Variants in FNDC3A observed in about 807,000 individuals in gnomAD.
FNDC3A encodes fibronectin type-III domain-containing protein 3A.
A neutral mutation model predicts 148.9 loss-of-function variants in FNDC3A; 32 were observed. The observed-to-expected ratio is 0.21, with a 90% CI of 0.16 to 0.29. FNDC3A has a LOEUF of 0.29. Ranked by LOEUF, FNDC3A falls within the 10% of genes least tolerant of loss-of-function variation. The pLI, the probability that FNDC3A is intolerant of heterozygous loss-of-function variation, is 1.00. For missense variants in FNDC3A, 1,191 were observed against 1,452.8 expected, an observed-to-expected ratio of 0.82 and a Z score of 2.93; for synonymous variants, 472 against 473.6, an observed-to-expected ratio of 1.00 and a Z score of 0.04.
In FNDC3A at chr13:49,174,506, A is replaced by G. The variant is rs543688682; in HGVS notation, c.1302A>G (p.Ser434=). The G allele has an allele frequency of 6.2e-7, 1 of 1,612,632 alleles. No homozygotes were observed. Among genetic ancestry groups the G allele is most frequent in the African/African-American group, 1.3e-5 (1 of 74,902 alleles). ...SQKQFKITKL[S]PAMGCKFRLS... is the part of the protein sequence containing the mutation. ...AACAATTTAAAATTACTAAACTTTC[A>G]CCAGCAATGGGCTGTAAATTCAGAC... The change falls in exon 12 of 26, where the codon TCA becomes TCG. Residue 434 remains serine, a synonymous_variant. Coordinates refer to ENST00000492622, the MANE Select transcript of FNDC3A (RefSeq NM_001079673.2).
intron 3 of FNDC3A, among the ~76,000 whole-genome samples, chr13:49,077,260 G>A (rs911120961): frequency 6.6e-6 from 1 of 152,236 alleles, no homozygotes; most frequent in Non-Finnish European, 1.5e-5. Context: ...GCGATAAAGC[G>A]AGACCCTGTC....
chr13:48,983,346 G>C (rs1009974624), intron 1 of FNDC3A, among the ~76,000 whole-genome samples: 8 of 152,046 alleles, frequency 5.3e-5, no homozygotes, highest in Non-Finnish European at 1.0e-4. Context: ...GTCTAAATCA[G>C]CTATTCAACT....
rs1260357355 is a variant in FNDC3A at position 49,053,710 on chromosome 13, A to AC, written c.100-21579_100-21578insC. ...CGTTGTGGAGACCAGCGTTCTTATT[A>AC]TGTAGATGACGTCTCATATGCCTCC... is the stretch of plus-strand genomic sequence containing the variant. On this transcript the variant is annotated intron_variant, in intron 2 of 25. Coordinates refer to ENST00000492622, the MANE Select transcript of FNDC3A (RefSeq NM_001079673.2). Among the ~76,000 whole-genome samples the AC allele has an allele frequency of 3.9e-5, 6 of 152,270 alleles. No homozygotes were observed. In the East Asian group the frequency reaches 9.7e-4, roughly 24 times the overall value.
intron 1 of FNDC3A, among the ~76,000 whole-genome samples, chr13:48,978,040 G>T (rs1340111972): frequency 6.6e-6 from 1 of 151,842 alleles, no homozygotes; most frequent in African/African-American, 2.4e-5. Flanking sequence ...AGTTATAAGG[G>T]TAATTAATTT....
chr13:48,995,523 G>A (rs1029351485), intron 1 of FNDC3A, among the ~76,000 whole-genome samples: 1 of 152,052 alleles, frequency 6.6e-6, no homozygotes, highest in Non-Finnish European at 1.5e-5. Flanking sequence ...ATGATTAATA[G>A]CACTGTCTTC....
intron 2 of FNDC3A, among the ~76,000 whole-genome samples, chr13:49,050,926 G>C (rs1267314748): frequency 1.3e-5 from 2 of 152,048 alleles, no homozygotes; most frequent in African/African-American, 4.8e-5. Context: ...AACTGCTGTT[G>C]CTTTGAAGTT....
At chr13:49,115,257 A>C (rs1181801189) in intron 4 of FNDC3A, among the ~76,000 whole-genome samples, 1 of 152,064 alleles carries the variant, frequency 6.6e-6, no homozygotes, top group Admixed American at 6.5e-5. Flanking sequence ...ATGACTGGGA[A>C]GCTCTGACCT....
chr13:49,188,145 A>G (rs903948918), intron 16 of FNDC3A, among the ~76,000 whole-genome samples: 1 of 152,252 alleles, frequency 6.6e-6, no homozygotes, highest in East Asian at 1.9e-4. Context: ...AAAAGAAAAA[A>G]AAGATGTCTT....
chr13:49,156,173 C>CT (rs1246385856), intron 8 of FNDC3A, among the ~76,000 whole-genome samples: 1 of 148,972 alleles, frequency 6.7e-6, no homozygotes, highest in Non-Finnish European at 1.5e-5. Context: ...TTGTAGGTCT[C>CT]TAAGGACTTG....
intron 3 of FNDC3A, among the ~76,000 whole-genome samples, chr13:49,102,055 C>G (rs1432821883): frequency 6.6e-6 from 1 of 151,976 alleles, no homozygotes; most frequent in Admixed American, 6.6e-5. Context: ...CCAGGCTGGT[C>G]TCTAACTCTT....
rs187591060 is a variant in FNDC3A at position 49,182,655 on chromosome 13, T to C, written c.1618-3309T>C. 6.6e-5 allele frequency among the ~76,000 whole-genome samples: 10 copies of C among 152,338 alleles called. No individual in the cohort carries two copies. In the East Asian group the frequency reaches 1.9e-3, roughly 29 times the overall value. On this transcript the variant is annotated intron_variant, in intron 14 of 25. Transcript: ENST00000492622. ...TTCACTTTCAGCTTATTCCTTGTTT[T>C]TTGAGGTCTTTTTATAGGTAAAGAG...
intron 16 of FNDC3A, chr13:49,187,737 A>G: frequency 9.2e-7 from 1 of 1,083,312 alleles, no homozygotes; most frequent in Non-Finnish European, 1.4e-6. Context: ...CACCTCACCA[A>G]GACCTTTTTT....
At chr13:48,986,382 G>GTTTT (rs1425213112) in intron 1 of FNDC3A, among the ~76,000 whole-genome samples, 6 of 61,990 alleles carry the variant, frequency 9.7e-5, no homozygotes, top group South Asian at 8.3e-4. Flanking sequence ...GGAGAAGGAA[G>GTTTT]TTGTTTTTTT....
At chr13:49,072,380 G>A (rs1227092502) in intron 2 of FNDC3A, among the ~76,000 whole-genome samples, 1 of 151,744 alleles carries the variant, frequency 6.6e-6, no homozygotes, top group Non-Finnish European at 1.5e-5. Flanking sequence ...GAGTTAAAAA[G>A]TTAAAAAAAA....
At chr13:49,150,994 A>G (rs1450865280) in intron 8 of FNDC3A, among the ~76,000 whole-genome samples, 2 of 151,770 alleles carry the variant, frequency 1.3e-5, no homozygotes, top group Non-Finnish European at 2.9e-5. Flanking sequence ...GTACTGACAT[A>G]TGGTCTACCC....
At chr13:49,011,208 C>T (rs1476174000) in intron 2 of FNDC3A, among the ~76,000 whole-genome samples, 1 of 151,266 alleles carries the variant, frequency 6.6e-6, no homozygotes, top group Non-Finnish European at 1.5e-5. Context: ...TTCCCCTGTT[C>T]TGGTTGTCTT....
intron 16 of FNDC3A, among the ~76,000 whole-genome samples, chr13:49,187,920 C>T (rs1344952016): frequency 1.3e-5 from 2 of 152,086 alleles, no homozygotes; most frequent in African/African-American, 4.8e-5. Context: ...TGCTCAGCCT[C>T]TATACACCTA....
intron 1 of FNDC3A, among the ~76,000 whole-genome samples, chr13:48,992,534 A>G (rs1951940927): frequency 6.6e-6 from 1 of 152,204 alleles, no homozygotes; most frequent in Non-Finnish European, 1.5e-5. Flanking sequence ...AGCACATGAA[A>G]ACAACATCAT....
intron 19 of FNDC3A, among the ~76,000 whole-genome samples, chr13:49,194,843 T>TA (rs1402189833): frequency 1.3e-5 from 2 of 152,112 alleles, no homozygotes; most frequent in Non-Finnish European, 2.9e-5. Flanking sequence ...TTAAACTATA[T>TA]AAAGTTTTAT....
Sources: gnomAD v4.1 joint callset for allele counts (sites outside exome capture counted in the v4.1 genomes callset) on GRCh38, gnomAD v4.1.1 for gene constraint, MANE v1.5 for transcripts, NCBI Gene and HGNC (gene_info 2026-07-23, HGNC 2026-07-21) for gene names.